Variants in SVIL observed in about 807,000 individuals in gnomAD.
SVIL encodes supervillin.
SVIL carries 101 observed loss-of-function variants against 240.4 expected under a neutral mutation model. That is an observed-to-expected ratio of 0.42 (90% CI 0.36 to 0.50). The LOEUF (loss-of-function observed/expected upper bound fraction) is 0.50, where lower values mean the gene tolerates loss of function less well. Among genes scored for constraint, SVIL ranks in the 20% least tolerant of loss-of-function variants. The probability of loss-of-function intolerance (pLI) is 0.01; values close to 1 mark genes in which losing one functional copy is unlikely to be tolerated. For missense variants in SVIL, 2,512 were observed against 2,818.7 expected, an observed-to-expected ratio of 0.89 and a Z score of 2.46; for synonymous variants, 999 against 1,100.0, an observed-to-expected ratio of 0.91 and a Z score of 1.82.
chr10:29,477,717 G>C (rs543451916), intron 29 of SVIL, among the ~76,000 whole-genome samples: 3 of 152,204 alleles, frequency 2.0e-5, no homozygotes, highest in African/African-American at 7.2e-5. Context: ...TCTGGAATCT[G>C]AATGCTCCCT....
intron 1 of SVIL, among the ~76,000 whole-genome samples, chr10:29,606,039 T>C (rs1462669499): frequency 4.0e-5 from 6 of 151,284 alleles, no homozygotes; most frequent in East Asian, 2.0e-4. Flanking sequence ...GCCTCCCGAG[T>C]AGCTGGGATT....
At chr10:29,576,036 A>T in intron 1 of SVIL, 1 of 913,532 alleles carries the variant, frequency 1.1e-6, no homozygotes. Context: ...GTGAGTTACA[A>T]TAATATGTGT....
At position 29,533,291 on chromosome 10, in the gene SVIL, G is replaced by A. The variant is rs776064275; in HGVS notation, c.1076C>T (p.Ser359Phe). 4 of 1,614,136 alleles carry A rather than the reference G, an allele frequency of 2.5e-6. No homozygotes were observed. The highest frequency in any genetic ancestry group is 3.4e-6 in the Non-Finnish European group (4 of 1,180,034). ...ATAGCCACGGATTGGCTGTCGTGTA[G>A]AGCCTGCTGCCTTGCTGGGGACCCT... ...FDRVPSKAAGSTRQPIRGYVQ... is the reference protein window; with the variant it reads ...FDRVPSKAAGFTRQPIRGYVQ... Residue 359 changes from serine (S) to phenylalanine (F), a missense_variant, in exon 8 of 38, where the codon TCT (serine) becomes TTT (phenylalanine). Ser to Phe is a radical substitution (Grantham distance 155, BLOSUM62 -2). Coordinates refer to ENST00000355867, the MANE Select transcript of SVIL (RefSeq NM_021738.3).
rs1161900783 is a variant in SVIL, at chr10:29,697,971, G to A, written c.-399-11320C>T. 197 of 931,314 alleles carry A rather than the reference G, an allele frequency of 2.1e-4. 20 individuals are homozygous for A. Among genetic ancestry groups the A allele is most frequent in the Non-Finnish European group, 2.5e-4 (150 of 610,530 alleles). 57.7% of individuals were successfully genotyped at this position (931,314 alleles called of 1,614,324 possible). On this transcript the variant is annotated intron_variant, in intron 1 of 35. Coordinates refer to the SVIL transcript ENST00000375400. ...ACAAATTTACTATTCGGACAAATAC[G>A]ATGACAAGGAGTTTGAGTATCGACA...
chr10:29,610,288 G>A (rs1957194064), intron 1 of SVIL, among the ~76,000 whole-genome samples: 1 of 151,946 alleles, frequency 6.6e-6, no homozygotes, highest in South Asian at 2.1e-4. Flanking sequence ...AACAGCCTCT[G>A]AATTACCTCT....
In SVIL at chr10:29,634,778, A is replaced by G. The variant is rs1958245535; in HGVS notation, c.-559T>C. ...CAAATTCAGGAAACAGGTAAAGGCT[A>G]CATCCCAAAAGTTCCTCTCCAAAAA... On this transcript the variant is annotated 5_prime_UTR_variant, in exon 1 of 38. An upstream open reading frame in the 5' UTR loses its in-frame stop. Transcript: ENST00000355867. 1 of 152,220 alleles carries G rather than the reference A, an allele frequency of 6.6e-6. No homozygotes were observed. Among genetic ancestry groups the G allele is most frequent in the Non-Finnish European group, 1.5e-5 (1 of 68,052 alleles). 9.4% of individuals were successfully genotyped at this position (152,220 alleles called of 1,614,324 possible).
chr10:29,549,955 T>C (rs1278088849), intron 6 of SVIL, among the ~76,000 whole-genome samples: 1 of 128,306 alleles, frequency 7.8e-6, no homozygotes, highest in Non-Finnish European at 1.6e-5. Context: ...CGCACCAGCA[T>C]GGCACATGTA....
intron 1 of SVIL, among the ~76,000 whole-genome samples, chr10:29,710,019 G>C (rs758992410): frequency 1.1e-4 from 16 of 152,048 alleles, no homozygotes; most frequent in Non-Finnish European, 2.1e-4. Context: ...CTCAGCCCTA[G>C]AGGGAGGGGC....
At chr10:29,546,762 A>T (rs1489056049) in intron 6 of SVIL, among the ~76,000 whole-genome samples, 1 of 152,168 alleles carries the variant, frequency 6.6e-6, no homozygotes, top group African/African-American at 2.4e-5. Flanking sequence ...TCGTATTCGT[A>T]TTTAAATAAT....
At chr10:29,684,342 G>A (rs1035211917) in intron 2 of SVIL, among the ~76,000 whole-genome samples, 18 of 152,126 alleles carry the variant, frequency 1.2e-4, no homozygotes, top group African/African-American at 4.1e-4. Context: ...ACCCAAGGCG[G>A]TTGGGTTACA....
intron 33 of SVIL, 38 bp downstream of exon 33, chr10:29,467,704 C>T: frequency 1.2e-6 from 2 of 1,612,060 alleles, no homozygotes; most frequent in South Asian, 1.1e-5. Context: ...CAAAAACAAA[C>T]AAAAAAACCA....
intron 18 of SVIL, chr10:29,496,527 TG>T (rs199785445): frequency 0.017 from 6,941 of 413,778 alleles, 206 homozygotes; most frequent in African/African-American, 0.069. Context: ...ATCCGTGTCC[TG>T]GCCGGTGCCG....
At chr10:29,485,647 A>G (rs1947323626) in intron 26 of SVIL, among the ~76,000 whole-genome samples, 2 of 152,228 alleles carry the variant, frequency 1.3e-5, no homozygotes, top group Admixed American at 6.5e-5. Flanking sequence ...AGCATGCTTA[A>G]TGATACTGGA....
Position 29,595,268 on chromosome 10 carries a change from G to A in SVIL, c.-200-25956C>T, listed in dbSNP as rs552898470. Among the ~76,000 whole-genome samples the A allele has an allele frequency of 2.3e-3, 350 of 152,358 alleles. 3 individuals carry two copies. The highest frequency in any genetic ancestry group is 1.6e-3 in the Non-Finnish European group (106 of 68,044). On this transcript the variant is annotated intron_variant, in intron 1 of 37. Coordinates refer to ENST00000355867, the MANE Select transcript of SVIL (RefSeq NM_021738.3). Reference sequence around the variant, plus strand: ...CTGTGGGTATGGAAGGGAGCCTCGGGAAGCTGAGAAATGAGACAAGGACAG... The same window carrying A: ...CTGTGGGTATGGAAGGGAGCCTCGGAAAGCTGAGAAATGAGACAAGGACAG...
At chr10:29,461,986 G>A (rs1944315286) in intron 36 of SVIL, among the ~76,000 whole-genome samples, 2 of 152,228 alleles carry the variant, frequency 1.3e-5, no homozygotes, top group African/African-American at 2.4e-5. Context: ...ACAGAATGAA[G>A]AGTTCGCAGC....
intron 1 of SVIL, among the ~76,000 whole-genome samples, chr10:29,706,614 C>A (rs1380887235): frequency 3.3e-5 from 5 of 152,136 alleles, no homozygotes; most frequent in African/African-American, 4.8e-5. Flanking sequence ...CCTGTTCACT[C>A]TGATGATAGT....
At chr10:29,505,188 T>A (rs1293915900) in intron 17 of SVIL, among the ~76,000 whole-genome samples, 5 of 151,996 alleles carry the variant, frequency 3.3e-5, no homozygotes, top group Admixed American at 6.6e-5. Context: ...ACCTGGGGTG[T>A]GGTGGCGGGC....
At chr10:29,657,052 T>C (rs1346523855) in intron 3 of SVIL, among the ~76,000 whole-genome samples, 2 of 152,224 alleles carry the variant, frequency 1.3e-5, no homozygotes, top group Non-Finnish European at 2.9e-5. Context: ...TTACATGTCT[T>C]TTCCAAGATC....
intron 7 of SVIL, among the ~76,000 whole-genome samples, chr10:29,534,708 G>C (rs571218211): frequency 1.3e-5 from 2 of 152,328 alleles, no homozygotes; most frequent in African/African-American, 4.8e-5. Flanking sequence ...GAGCTGTGTA[G>C]TGTTGGGCAA....
Sources: gnomAD v4.1 joint callset for allele counts (sites outside exome capture counted in the v4.1 genomes callset) on GRCh38, gnomAD v4.1.1 for gene constraint, MANE v1.5 for transcripts, NCBI Gene and HGNC (gene_info 2026-07-23, HGNC 2026-07-21) for gene names.